PGAP1: variants seen among roughly 807,000 people sequenced by gnomAD.
PGAP1 encodes the protein GPI inositol-deacylase.
Under a neutral mutation model 127.0 loss-of-function variants are expected in PGAP1, and 76 were observed. The ratio of observed to expected loss-of-function variants is 0.60; its 90% CI spans 0.50 to 0.72. The LOEUF (loss-of-function observed/expected upper bound fraction) is 0.72, where lower values mean the gene tolerates loss of function less well. Among genes scored for constraint, PGAP1 ranks in the 30% least tolerant of loss-of-function variants. The probability of loss-of-function intolerance (pLI) is 0.00; values close to 1 mark genes in which losing one functional copy is unlikely to be tolerated. For synonymous variants in PGAP1, 362 were observed against 366.5 expected, an observed-to-expected ratio of 0.99 and a Z score of 0.14; for missense variants, 982 against 1,071.3, an observed-to-expected ratio of 0.92 and a Z score of 1.16.
intron 16 of PGAP1, 93 bp from the exon 17 acceptor site, chr2:196,873,119 C>A (rs907132459): frequency 1.2e-5 from 6 of 486,148 alleles, no homozygotes; most frequent in African/African-American, 1.0e-4. Context: ...TACAATTGTC[C>A]ATTTCATTAA....
At chr2:196,861,695 G>A (rs183907840) in intron 20 of PGAP1, among the ~76,000 whole-genome samples, 1 of 152,248 alleles carries the variant, frequency 6.6e-6, no homozygotes, top group Admixed American at 6.5e-5. Context: ...GACCCCAAAT[G>A]GAGGGACCGG....
Position 196,841,262 on chromosome 2 carries a change from A to G in PGAP1, c.2741T>C (p.Leu914Ser). Residue 914 changes from leucine (L) to serine (S), a missense_variant, in exon 27 of 27, where the codon TTA (leucine) becomes TCA (serine). Leu to Ser is a moderately radical substitution (Grantham distance 145). Transcript: ENST00000354764. ...RLPCFVFIPL[L>S]LHALCNFM ...CATAAAGTTGCATAATGCATGGAGT[A>G]AAAGAGGAATGAAGACAAAGCATGG... 1 of 1,613,878 alleles carries G rather than the reference A, an allele frequency of 6.2e-7. No homozygotes were observed. The highest frequency in any genetic ancestry group is 1.1e-5 in the South Asian group (1 of 91,022).
intron 20 of PGAP1, among the ~76,000 whole-genome samples, chr2:196,858,056 C>T (rs577496863): frequency 6.6e-6 from 1 of 152,092 alleles, no homozygotes; most frequent in South Asian, 2.1e-4. Flanking sequence ...AACGAATGAC[C>T]AACTGGACTG....
intron 5 of PGAP1, among the ~76,000 whole-genome samples, chr2:196,901,611 TA>T (rs1702493162): frequency 1.3e-5 from 2 of 152,206 alleles, no homozygotes; most frequent in Admixed American, 1.3e-4. Context: ...ACTTCAAGGT[TA>T]AATACACATG....
intron 20 of PGAP1, among the ~76,000 whole-genome samples, chr2:196,862,692 C>T (rs568064286): frequency 1.3e-5 from 2 of 152,306 alleles, no homozygotes; most frequent in East Asian, 3.9e-4. Flanking sequence ...CCAGCCAACG[C>T]TTAGGGAAAA....
At chr2:196,865,117 A>G (rs759306834) in intron 19 of PGAP1, 37 bp from the exon 20 acceptor site, 1 of 1,123,098 alleles carries the variant, frequency 8.9e-7, no homozygotes, top group Admixed American at 2.6e-5. Context: ...ACTCCTGAAT[A>G]TTCATGTTAA....
intron 4 of PGAP1, among the ~76,000 whole-genome samples, chr2:196,905,440 C>A (rs377081329): frequency 2.3e-4 from 35 of 152,154 alleles, no homozygotes; most frequent in African/African-American, 7.2e-4. Context: ...AAAAACCGGG[C>A]CTCATAATAA....
intron 26 of PGAP1, among the ~76,000 whole-genome samples, chr2:196,841,666 C>T (rs552453294): frequency 2.1e-4 from 32 of 152,020 alleles, no homozygotes; most frequent in South Asian, 4.2e-4. Context: ...TACAGGCGCC[C>T]GCCACCACAC....
chr2:196,887,728 A>C (rs1286763488), intron 10 of PGAP1, among the ~76,000 whole-genome samples: 1 of 152,238 alleles, frequency 6.6e-6, no homozygotes, highest in Non-Finnish European at 1.5e-5. Context: ...AAATGTTAAG[A>C]CATTTTTCAG....
At position 196,919,979 on chromosome 2, in the gene PGAP1, A is replaced by G; in HGVS notation, c.301+18T>C. On this transcript the variant is annotated intron_variant, in intron 2 of 26. Transcript: ENST00000354764. ...TTGAATTTTATAGCTTTCAAAATTT[A>G]CTTCCAGTAAGACTTACCTTGCTTA... 6.3e-7 allele frequency: 1 copy of G among 1,584,696 alleles called. No individual in the cohort carries two copies. The highest frequency in any genetic ancestry group is 8.6e-7 in the Non-Finnish European group (1 of 1,169,242).
chr2:196,860,211 A>C (rs1701020696), intron 20 of PGAP1, among the ~76,000 whole-genome samples: 1 of 152,152 alleles, frequency 6.6e-6, no homozygotes, highest in South Asian at 2.1e-4. Context: ...GTAACTTTCT[A>C]TACACTAATA....
chr2:196,841,217 A>C lies in PGAP1; in HGVS notation c.*17T>G. On this transcript the variant is annotated 3_prime_UTR_variant, in exon 27 of 27. Transcript: ENST00000354764. ...CCTAAACACATAAATTATCTTCATC[A>C]TTCCTTAAGTCCAATCTTACATAAA... The C allele has an allele frequency of 6.2e-7, 1 of 1,607,076 alleles. No homozygotes were observed. Among genetic ancestry groups the C allele is most frequent in the East Asian group, 2.2e-5 (1 of 44,646 alleles).
chr2:196,865,798 A>G (rs1701220874), intron 19 of PGAP1, among the ~76,000 whole-genome samples: 1 of 152,038 alleles, frequency 6.6e-6, no homozygotes, highest in Admixed American at 6.6e-5. Context: ...AATACATATA[A>G]TAACAAAAAC....
chr2:196,888,638 TG>T (rs1701995500), intron 10 of PGAP1, among the ~76,000 whole-genome samples: 1 of 149,760 alleles, frequency 6.7e-6, no homozygotes, highest in Non-Finnish European at 1.5e-5. Context: ...GGAAAGGGGG[TG>T]GGGCTATTTA....
chr2:196,902,892 A>G, intron 4 of PGAP1, 150 bp from the exon 5 acceptor site: 1 of 534,336 alleles, frequency 1.9e-6, no homozygotes. Flanking sequence ...CCCTATTTTC[A>G]GTAAAATCAG....
chr2:196,833,932 G>GA lies in PGAP1; in HGVS notation c.*7301dup, dbSNP rs1434298958. On this transcript the variant is annotated 3_prime_UTR_variant, in exon 27 of 27. Transcript: ENST00000354764. Reference sequence around the variant, plus strand: ...TTGAAGCCTTAAAAATATATAGGAAGAAAAAAGAGAAGGAAAAATGAGAGG... The same window carrying GA: ...TTGAAGCCTTAAAAATATATAGGAAGAAAAAAAGAGAAGGAAAAATGAGAGG... The GA allele has an allele frequency of 2.0e-5, 3 of 151,318 alleles. No homozygotes were observed. The highest frequency in any genetic ancestry group is 3.0e-5 in the Non-Finnish European group (2 of 67,738). 9.4% of individuals were successfully genotyped at this position (151,318 alleles called of 1,614,324 possible).
chr2:196,905,788 G>C (rs1702688851), intron 4 of PGAP1, among the ~76,000 whole-genome samples: 1 of 142,700 alleles, frequency 7.0e-6, no homozygotes, highest in African/African-American at 2.6e-5. Flanking sequence ...GCCTCACCTG[G>C]GAAGCGCAAG....
At position 196,875,819 on chromosome 2, in the gene PGAP1, A is replaced by G; in HGVS notation, c.1353T>C (p.Phe451=). ...TTTTAAAGAATTCACAATCTACAAC[A>G]AACTGAAATATAAAACATTGATTTA... The part of the protein sequence containing the change: ...VYVPSVRGSK[F]VVDCEFFKKE... The change falls in exon 14 of 27, where the codon TTT becomes TTC. Residue 451 remains phenylalanine (F), a splice_region_variant and synonymous_variant. Transcript: ENST00000354764. 7.1e-7 allele frequency: 1 copy of G among 1,400,262 alleles called. No homozygotes were observed. Among genetic ancestry groups the G allele is most frequent in the Non-Finnish European group, 1.0e-6 (1 of 994,466 alleles). The allele number at this position is 1,400,262 out of a possible 1,614,324, so 86.7% of individuals were successfully genotyped here. A position where few individuals can be genotyped will look rare whatever the true frequency, so the allele number is the denominator to read the frequency against.
intron 12 of PGAP1, among the ~76,000 whole-genome samples, chr2:196,884,460 C>G (rs567249103): frequency 5.3e-5 from 8 of 152,142 alleles, no homozygotes; most frequent in African/African-American, 1.9e-4. Flanking sequence ...TAAGATTGAC[C>G]AAGGTGACAA....
Sources: gnomAD v4.1 joint callset for allele counts (sites outside exome capture counted in the v4.1 genomes callset) on GRCh38, gnomAD v4.1.1 for gene constraint, MANE v1.5 for transcripts, NCBI Gene and HGNC (gene_info 2026-07-23, HGNC 2026-07-21) for gene names.